The following PAPOLA variants were observed in gnomAD, a reference collection of about 807,000 sequenced individuals.
PAPOLA encodes polynucleotide adenylyltransferase alpha.
In PAPOLA, 15 loss-of-function variants were observed where a neutral mutation model predicts 100.6. That is an observed-to-expected ratio of 0.15 (90% CI 0.10 to 0.23). The LOEUF (loss-of-function observed/expected upper bound fraction) is 0.23, where lower values mean the gene tolerates loss of function less well. Ranked by LOEUF, PAPOLA falls within the 10% of genes least tolerant of loss-of-function variation. PAPOLA has a pLI of 1.00. For synonymous variants in PAPOLA, 293 were observed against 300.0 expected (o/e 0.98, Z 0.24); for missense variants, 533 against 884.2 (o/e 0.60, Z 5.04).
rs1445963619 is a variant in PAPOLA at position 96,520,077 on chromosome 14, C to T, written c.31C>T (p.Gln11Ter). Residue 11 changes from glutamine to a stop codon, truncating the protein, a stop_gained, in exon 2 of 22, where the codon CAA (glutamine) becomes TAA (stop). Coordinates refer to ENST00000216277, the MANE Select transcript of PAPOLA (RefSeq NM_032632.5). LOFTEE classifies it high-confidence loss of function. MPFPVTTQGS[Q>*]QTQPPQKHYG... Reference sequence around the variant, plus strand: ...TAGTCCAGTTACAACACAGGGATCACAACAAACACAACCGCCACAGAAGCA... The same window carrying T: ...TAGTCCAGTTACAACACAGGGATCATAACAAACACAACCGCCACAGAAGCA... 6.2e-7 allele frequency: 1 copy of T among 1,613,050 alleles called. No individual in the cohort carries two copies. Among genetic ancestry groups the T allele is most frequent in the Non-Finnish European group, 8.5e-7 (1 of 1,179,656 alleles).
At chr14:96,524,489 G>C (rs12586789) in intron 3 of PAPOLA, among the ~76,000 whole-genome samples, 1 of 150,186 alleles carries the variant, frequency 6.7e-6, no homozygotes, top group Non-Finnish European at 1.5e-5. Context: ...TCCCCTTCCC[G>C]TTCCCCTTCC....
chr14:96,533,662 C>T (rs913505929), intron 9 of PAPOLA: 2 of 251,198 alleles, frequency 8.0e-6, no homozygotes, highest in Non-Finnish European at 1.0e-5. Flanking sequence ...TCATGCTATT[C>T]TCCTGCCTTA....
At chr14:96,535,801 A>G in intron 10 of PAPOLA, 78 bp from the exon 11 acceptor site, 1 of 1,196,078 alleles carries the variant, frequency 8.4e-7, no homozygotes, top group Non-Finnish European at 1.1e-6. Context: ...TCATTGGTTC[A>G]GTTTAACAAG....
At chr14:96,539,838 A>C (rs1899837956) in intron 12 of PAPOLA, among the ~76,000 whole-genome samples, 1 of 152,132 alleles carries the variant, frequency 6.6e-6, no homozygotes, top group South Asian at 2.1e-4. Flanking sequence ...ATATTTAGAG[A>C]ATGCAGTTGG....
chr14:96,531,923 G>C (rs904934554), intron 7 of PAPOLA: 4 of 1,310,662 alleles, frequency 3.1e-6, no homozygotes, highest in African/African-American at 1.5e-5. Flanking sequence ...TTTCAGCATT[G>C]CTGAGATCAG....
At chr14:96,513,079 T>C (rs1006128480) in intron 1 of PAPOLA, among the ~76,000 whole-genome samples, 1 of 152,202 alleles carries the variant, frequency 6.6e-6, no homozygotes, top group African/African-American at 2.4e-5. Flanking sequence ...TTTTGCTTTT[T>C]TTGGGGATGG....
chr14:96,532,306 GTT>G lies in PAPOLA; in HGVS notation c.608-17_608-16del, dbSNP rs562581383. On this transcript the variant is annotated intron_variant, in intron 7 of 21. Transcript: ENST00000216277. The stretch of plus-strand genomic sequence containing the variant: ...GTTTTGTGTGTGTGTGTGTGTGTGT[GTT>G]TTTTTTTACCCCTATTAATTAGGTT... The G allele has an allele frequency of 6.1e-3, 7,564 of 1,248,770 alleles. 18 individuals carry two copies. Among genetic ancestry groups the G allele is most frequent in the East Asian group, 0.012 (386 of 33,280 alleles). The allele number at this position is 1,248,770 out of a possible 1,614,324, so 77.4% of individuals were successfully genotyped here.
intron 6 of PAPOLA, among the ~76,000 whole-genome samples, chr14:96,529,524 C>T (rs897299289): frequency 6.6e-6 from 1 of 150,818 alleles, no homozygotes; most frequent in African/African-American, 2.5e-5. Flanking sequence ...AGATCAAGAC[C>T]GTCCTGGCCA....
In PAPOLA at chr14:96,531,736, A is replaced by C. The variant is rs556927687; in HGVS notation, c.607+150A>C. ...TGAACTTTGCCTAATAAACTACAGA[A>C]GAGTATGTAGTAGTTTATTTCACTC... On this transcript the variant is annotated intron_variant, in intron 7 of 21. Coordinates refer to ENST00000216277, the MANE Select transcript of PAPOLA (RefSeq NM_032632.5). The C allele has an allele frequency of 2.2e-4, 322 of 1,488,064 alleles. 1 individual carries two copies. In the South Asian group the frequency reaches 4.1e-3, roughly 19 times the overall value. 92.2% of individuals were successfully genotyped at this position (1,488,064 alleles called of 1,614,324 possible).
At chr14:96,519,210 G>T (rs1444220927) in intron 1 of PAPOLA, among the ~76,000 whole-genome samples, 1 of 151,968 alleles carries the variant, frequency 6.6e-6, no homozygotes, top group Non-Finnish European at 1.5e-5. Flanking sequence ...TTACAGGGGT[G>T]AGCCCACACC....
intron 12 of PAPOLA, among the ~76,000 whole-genome samples, chr14:96,540,411 AC>A (rs200812309): frequency 0.017 from 2,194 of 128,266 alleles, 45 homozygotes; most frequent in African/African-American, 0.056. Flanking sequence ...CATGTTCTTT[AC>A]CTTTTTTTTT....
chr14:96,533,990 A>C (rs1240205597), intron 9 of PAPOLA: 7 of 986,188 alleles, frequency 7.1e-6, no homozygotes, highest in Non-Finnish European at 6.0e-6. Flanking sequence ...TATGGAACAC[A>C]TATGAAAATG....
chr14:96,532,402 A>G lies in PAPOLA; in HGVS notation c.679A>G (p.Ile227Val), dbSNP rs761596382. The G allele has an allele frequency of 1.9e-5, 30 of 1,613,214 alleles. No homozygotes were observed. The highest frequency in any genetic ancestry group is 2.3e-5 in the Non-Finnish European group (27 of 1,179,802). ...CAACTTCAGGTTAACTCTGAGAGCT[A>G]TCAAACTATGGGCCAAACGTGAGTT... ...IDNFRLTLRA[I>V]KLWAKRHNIY... Residue 227 changes from isoleucine (I) to valine (V), a missense_variant, in exon 8 of 22, where the codon ATC (isoleucine) becomes GTC (valine). This residue lies in a region of PAPOLA where 32 missense variants were observed against 95.0 expected (regional missense o/e 0.34). Coordinates refer to ENST00000216277, the MANE Select transcript of PAPOLA (RefSeq NM_032632.5).
At chr14:96,513,729 GT>G (rs1426002280) in intron 1 of PAPOLA, among the ~76,000 whole-genome samples, 1 of 152,088 alleles carries the variant, frequency 6.6e-6, no homozygotes, top group African/African-American at 2.4e-5. Context: ...CTGATATGCA[GT>G]GAAACTTTTT....
intron 19 of PAPOLA, among the ~76,000 whole-genome samples, chr14:96,560,193 G>A (rs1316796542): frequency 2.0e-5 from 3 of 152,130 alleles, no homozygotes; most frequent in Non-Finnish European, 4.4e-5. Context: ...CGTACCAAGA[G>A]CAAGGATTCT....
intron 3 of PAPOLA, among the ~76,000 whole-genome samples, chr14:96,524,006 A>G (rs1898245946): frequency 6.6e-6 from 1 of 152,060 alleles, no homozygotes; most frequent in Admixed American, 6.6e-5. Context: ...TGATGGTTAA[A>G]TATGCTCTTA....
In PAPOLA at chr14:96,544,183, G is replaced by A; in HGVS notation, c.1324G>A (p.Val442Met). ...EFRTMWVIGL[V>M]FKKTENSENL... ...TCGCACGATGTGGGTGATTGGGTTAGTGTTTAAAAAAACAGAAAACTCTGA... is the reference window on the plus strand; with the variant it reads ...TCGCACGATGTGGGTGATTGGGTTAATGTTTAAAAAAACAGAAAACTCTGA... The change falls in exon 15 of 22, where the codon GTG (valine) becomes ATG (methionine). Residue 442 changes from valine (V) to methionine (M), a missense_variant. Val to Met is a conservative substitution (Grantham distance 21). Transcript: ENST00000216277. 1 of 1,608,734 alleles carries A rather than the reference G, an allele frequency of 6.2e-7. No homozygotes were observed. Among genetic ancestry groups the A allele is most frequent in the Non-Finnish European group, 8.5e-7 (1 of 1,175,352 alleles).
chr14:96,534,271 GTTTCAGTCTGA>G, intron 9 of PAPOLA: 1 of 1,345,406 alleles, frequency 7.4e-7, no homozygotes, highest in Non-Finnish European at 9.5e-7. Context: ...AACGTTTTTG[GTTTCAGTCTGA>G]GAAGGCTACC....
At chr14:96,531,798 A>G (rs1899044210) in intron 7 of PAPOLA, 13 of 1,439,392 alleles carry the variant, frequency 9.0e-6, no homozygotes, top group South Asian at 1.5e-5. Context: ...TCTGTCATTA[A>G]TGGTATACTC....
Sources: gnomAD v4.1 joint callset for allele counts (sites outside exome capture counted in the v4.1 genomes callset) on GRCh38, gnomAD v4.1.1 for gene constraint, gnomAD v4.1.1 regional missense constraint, MANE v1.5 for transcripts, NCBI Gene and HGNC (gene_info 2026-07-23, HGNC 2026-07-21) for gene names.